ADGRD1: variants seen among roughly 807,000 people sequenced by gnomAD.
ADGRD1 encodes the protein adhesion G protein-coupled receptor D1.
ADGRD1 carries 77 observed loss-of-function variants against 113.4 expected under a neutral mutation model. The observed-to-expected ratio is 0.68, with a 90% CI of 0.57 to 0.82. The LOEUF (loss-of-function observed/expected upper bound fraction) is 0.82, where lower values mean the gene tolerates loss of function less well. ADGRD1 is among the 40% of genes least tolerant of loss of function. The pLI, the probability that ADGRD1 is intolerant of heterozygous loss-of-function variation, is 0.00. For missense variants in ADGRD1, 1,036 were observed against 1,139.1 expected, an observed-to-expected ratio of 0.91 and a Z score of 1.30; for synonymous variants, 474 against 475.0, an observed-to-expected ratio of 1.00 and a Z score of 0.03.
At chr12:131,045,315 C>T (rs1411897244) in intron 13 of ADGRD1, among the ~76,000 whole-genome samples, 2 of 152,218 alleles carry the variant, frequency 1.3e-5, no homozygotes, top group Admixed American at 6.5e-5. Context: ...GGACAGTGTT[C>T]GGGAGGCAGG....
intron 15 of ADGRD1, among the ~76,000 whole-genome samples, chr12:131,101,258 T>C (rs1480490253): frequency 6.6e-6 from 1 of 152,040 alleles, no homozygotes; most frequent in Non-Finnish European, 1.5e-5. Context: ...CTTGGGGGGC[T>C]TCCCAGGGCA....
In ADGRD1 at chr12:130,987,102, T is replaced by C. The variant is rs779253529; in HGVS notation, c.498T>C (p.Tyr166=). 2.9e-5 allele frequency: 46 copies of C among 1,613,776 alleles called. 2 individuals are homozygous for C. The South Asian group carries it at 4.4e-4, about 15-fold the overall frequency. The part of the protein sequence containing the change: ...WEASFSPPGP[Y]WTHVLFTWKS... The stretch of plus-strand genomic sequence containing the variant: ...ATCTTCACTCTTTTCCAGGCCCCTA[T>C]TGGACTCATGTCCTATTTACATGGA... Residue 166 remains tyrosine, a synonymous_variant, in exon 6 of 25, where the codon TAT becomes TAC. Transcript: ENST00000261654.
intron 8 of ADGRD1, among the ~76,000 whole-genome samples, chr12:130,995,880 A>C (rs1193825803): frequency 6.6e-6 from 1 of 152,172 alleles, no homozygotes; most frequent in Non-Finnish European, 1.5e-5. Context: ...ACAAAGAAAC[A>C]AGTGAACAAA....
chr12:131,029,767 C>T (rs200088990), intron 13 of ADGRD1, among the ~76,000 whole-genome samples: 7 of 119,382 alleles, frequency 5.9e-5, no homozygotes, highest in Non-Finnish European at 1.2e-4. Context: ...ACCCCTTGTT[C>T]GGTGACATTC....
At chr12:131,127,234 A>G (rs563986759) in intron 20 of ADGRD1, among the ~76,000 whole-genome samples, 1 of 152,386 alleles carries the variant, frequency 6.6e-6, no homozygotes, top group African/African-American at 2.4e-5. Flanking sequence ...TCTTAACGCA[A>G]AGCGGTCAAG....
chr12:131,054,376 G>C lies in ADGRD1; in HGVS notation c.1474-22425G>C, dbSNP rs374741163. Among the ~76,000 whole-genome samples, 3 of 152,168 alleles carry C rather than the reference G, an allele frequency of 2.0e-5. No individual in the cohort carries two copies. The South Asian group carries it at 6.2e-4, about 31-fold the overall frequency. Reference sequence around the variant, plus strand: ...CATTTTCTAGAACTTTTGTATGATGGAATTGTATAGTATGTACTCTTTTCT... The same window carrying C: ...CATTTTCTAGAACTTTTGTATGATGCAATTGTATAGTATGTACTCTTTTCT... On this transcript the variant is annotated intron_variant, in intron 13 of 24. Coordinates refer to ENST00000261654, the MANE Select transcript of ADGRD1 (RefSeq NM_198827.5).
intron 4 of ADGRD1, among the ~76,000 whole-genome samples, chr12:130,980,063 G>A (rs1223667762): frequency 2.0e-5 from 3 of 152,092 alleles, no homozygotes; most frequent in East Asian, 1.9e-4. Flanking sequence ...AACAGCGGTC[G>A]GGGTGGGTGC....
chr12:130,975,316 G>A (rs1315104412), intron 4 of ADGRD1, among the ~76,000 whole-genome samples: 9 of 152,104 alleles, frequency 5.9e-5, no homozygotes, highest in South Asian at 4.1e-4. Flanking sequence ...TGTCACTTCC[G>A]TCTCCCTTAC....
intron 20 of ADGRD1, among the ~76,000 whole-genome samples, chr12:131,131,407 C>T (rs1950924134): frequency 6.6e-6 from 1 of 152,210 alleles, no homozygotes; most frequent in African/African-American, 2.4e-5. Context: ...GTGAGTTGCC[C>T]AGGGTCACAC....
Position 130,954,222 on chromosome 12 carries a change from C to T in ADGRD1, c.-244C>T. 2.3e-6 allele frequency: 1 copy of T among 432,658 alleles called. No homozygotes were observed. The highest frequency in any genetic ancestry group is 4.0e-6 in the Non-Finnish European group (1 of 248,200). The allele number at this position is 432,658 out of a possible 1,614,324, so 26.8% of individuals were successfully genotyped here. The stretch of plus-strand genomic sequence containing the variant: ...TTGGGTTTCTCCTCCCTGCATTCCA[C>T]AGCTGCTCTGGTCATCGCAACGTGT... On this transcript the variant is annotated 5_prime_UTR_variant, in exon 1 of 25. Coordinates refer to ENST00000261654, the MANE Select transcript of ADGRD1 (RefSeq NM_198827.5). The surrounding 1 kb of genome is among the most constrained non-coding windows in gnomAD (Gnocchi z 4.7).
chr12:131,039,506 C>G lies in ADGRD1; in HGVS notation c.1473+25166C>G, dbSNP rs115195067. The stretch of plus-strand genomic sequence containing the variant: ...CTGAGATGGAAAGATTGTTCAAAGA[C>G]AAATGAGTCCTGTTCCCTGCAGGGA... On this transcript the variant is annotated intron_variant, in intron 13 of 24. Transcript: ENST00000261654. 5.9e-3 allele frequency among the ~76,000 whole-genome samples: 898 copies of G among 152,360 alleles called. 7 individuals carry two copies. The highest frequency in any genetic ancestry group is 0.021 in the African/African-American group (861 of 41,588).
chr12:130,989,911 C>T (rs71468465), intron 6 of ADGRD1: 13,681 of 152,274 alleles, frequency 0.09, 800 homozygotes, highest in Middle Eastern at 0.14. Flanking sequence ...TGTTCAGATA[C>T]GTGTAATCGG....
chr12:130,971,633 C>T lies in ADGRD1; in HGVS notation c.310+53C>T. 6 of 1,554,130 alleles carry T rather than the reference C, an allele frequency of 3.9e-6. No homozygotes were observed. The highest frequency in any genetic ancestry group is 5.2e-6 in the Non-Finnish European group (6 of 1,147,138). On this transcript the variant is annotated intron_variant, in intron 4 of 24. Coordinates refer to ENST00000261654, the MANE Select transcript of ADGRD1 (RefSeq NM_198827.5). The surrounding 1 kb of genome is among the most constrained non-coding windows in gnomAD (Gnocchi z 4.2). ...TGTCAAGCATTTCATTCTCAGGGAG[C>T]ACCTGCTCCTCTGGTGACTGGAAGA...
intron 13 of ADGRD1, among the ~76,000 whole-genome samples, chr12:131,074,020 A>G (rs11061311): frequency 0.3 from 44,909 of 152,128 alleles, 7,268 homozygotes; most frequent in South Asian, 0.49. Flanking sequence ...TACTTACATA[A>G]AAGCCAGCAC....
intron 20 of ADGRD1, chr12:131,121,907 A>C (rs993673628): frequency 1.3e-5 from 2 of 152,262 alleles, no homozygotes; most frequent in South Asian, 4.1e-4. Context: ...AGAACCAATC[A>C]GGGAAATGGG....
At chr12:131,021,144 A>C (rs1362347716) in intron 13 of ADGRD1, among the ~76,000 whole-genome samples, 1 of 152,240 alleles carries the variant, frequency 6.6e-6, no homozygotes, top group East Asian at 1.9e-4. Flanking sequence ...AGACATACAG[A>C]TCATTCATCC....
intron 13 of ADGRD1, among the ~76,000 whole-genome samples, chr12:131,046,684 C>T (rs1485719301): frequency 1.4e-5 from 2 of 144,392 alleles, no homozygotes; most frequent in Non-Finnish European, 3.0e-5. Flanking sequence ...TCAGTGCCCC[C>T]TCCCTGGGCA....
chr12:131,002,431 T>C (rs1288308434), intron 9 of ADGRD1: 1 of 787,186 alleles, frequency 1.3e-6, no homozygotes, highest in South Asian at 5.7e-5. Flanking sequence ...TTCCAGCTCA[T>C]GAGGCTCTTC....
chr12:131,000,309 CG>C, intron 8 of ADGRD1, 73 bp from the exon 9 acceptor site: 1 of 1,120,610 alleles, frequency 8.9e-7, no homozygotes, highest in Non-Finnish European at 1.4e-6. Flanking sequence ...TTGGAAGATG[CG>C]GGGAAAACTG....
Sources: allele counts gnomAD v4.1 joint callset (sites outside exome capture counted in the v4.1 genomes callset), GRCh38; gene constraint gnomAD v4.1.1; non-coding constraint Gnocchi (gnomAD v3.1); transcripts MANE v1.5; gene names NCBI Gene and HGNC (gene_info 2026-07-23, HGNC 2026-07-21).